Variants in SLC9C1 observed in about 807,000 individuals in gnomAD.
SLC9C1 encodes the protein sodium/hydrogen exchanger 10.
SLC9C1 carries 97 observed loss-of-function variants against 140.9 expected under a neutral mutation model. The ratio of observed to expected loss-of-function variants is 0.69; its 90% CI spans 0.58 to 0.82. SLC9C1 has a LOEUF of 0.82. Among genes scored for constraint, SLC9C1 ranks in the 40% least tolerant of loss-of-function variants. SLC9C1 has a pLI of 0.00. For synonymous variants in SLC9C1, 440 were observed against 442.6 expected, an observed-to-expected ratio of 0.99 and a Z score of 0.07; for missense variants, 1,340 against 1,389.3, an observed-to-expected ratio of 0.96 and a Z score of 0.56.
chr3:112,204,757 A>G (rs969505369), intron 16 of SLC9C1, among the ~76,000 whole-genome samples: 7 of 152,078 alleles, frequency 4.6e-5, no homozygotes, highest in Non-Finnish European at 7.4e-5. Context: ...TGCCATAAAA[A>G]TCCTGGGGGT....
intron 23 of SLC9C1, among the ~76,000 whole-genome samples, chr3:112,179,120 C>T (rs1444539418): frequency 6.6e-6 from 1 of 152,024 alleles, no homozygotes; most frequent in African/African-American, 2.4e-5. Context: ...CAGTGGGAGC[C>T]CTTGGTACTG....
chr3:112,292,841 C>T (rs1214165048), intron 1 of SLC9C1, among the ~76,000 whole-genome samples: 1 of 151,948 alleles, frequency 6.6e-6, no homozygotes, highest in Admixed American at 6.6e-5. Flanking sequence ...CCACGCCCGG[C>T]CACAGGTTTT....
intron 7 of SLC9C1, among the ~76,000 whole-genome samples, chr3:112,268,910 C>T (rs1170109247): frequency 6.6e-6 from 1 of 152,110 alleles, no homozygotes; most frequent in African/African-American, 2.4e-5. Context: ...AAATGTGATT[C>T]TGAGGCTGTG....
At chr3:112,173,401 T>G (rs992224927) in intron 23 of SLC9C1, among the ~76,000 whole-genome samples, 1 of 151,874 alleles carries the variant, frequency 6.6e-6, no homozygotes, top group Admixed American at 6.6e-5. Flanking sequence ...TGGTACATGA[T>G]AAGTAGTTTT....
chr3:112,169,570 A>T (rs944815013), intron 23 of SLC9C1, among the ~76,000 whole-genome samples: 10 of 152,086 alleles, frequency 6.6e-5, no homozygotes, highest in African/African-American at 2.4e-4. Context: ...GGGTTTTTAA[A>T]TTCTGTTCCA....
At chr3:112,218,283 AC>A (rs2078442770) in intron 14 of SLC9C1, among the ~76,000 whole-genome samples, 1 of 151,608 alleles carries the variant, frequency 6.6e-6, no homozygotes, top group African/African-American at 2.4e-5. Context: ...CTGACCAGAT[AC>A]TTTCATCGTC....
intron 28 of SLC9C1, among the ~76,000 whole-genome samples, chr3:112,149,925 C>T (rs1477216407): frequency 6.6e-6 from 1 of 152,144 alleles, no homozygotes; most frequent in South Asian, 2.1e-4. Context: ...GGCCCCACTG[C>T]ACCACAATCT....
chr3:112,213,611 G>A (rs1215412795), intron 15 of SLC9C1, among the ~76,000 whole-genome samples: 1 of 152,120 alleles, frequency 6.6e-6, no homozygotes, highest in Non-Finnish European at 1.5e-5. Context: ...AGACAAAGAA[G>A]GCCATTACAT....
At chr3:112,165,577 C>A (rs1341988203) in intron 26 of SLC9C1, among the ~76,000 whole-genome samples, 1 of 152,152 alleles carries the variant, frequency 6.6e-6, no homozygotes, top group African/African-American at 2.4e-5. Flanking sequence ...GGAGGCTGCA[C>A]AACAGCGGAT....
intron 15 of SLC9C1, among the ~76,000 whole-genome samples, chr3:112,211,350 G>A (rs1005439496): frequency 4.6e-5 from 7 of 151,896 alleles, no homozygotes; most frequent in Admixed American, 4.6e-4. Context: ...GGGCTTGTTG[G>A]ACAGTGGGTG....
At chr3:112,175,957 A>T (rs2077328981) in intron 23 of SLC9C1, among the ~76,000 whole-genome samples, 2 of 152,208 alleles carry the variant, frequency 1.3e-5, no homozygotes, top group Admixed American at 6.5e-5. Flanking sequence ...CCTGCAGACC[A>T]TCATTGGTCA....
chr3:112,164,846 G>T (rs62277468), intron 26 of SLC9C1, among the ~76,000 whole-genome samples: 1 of 152,096 alleles, frequency 6.6e-6, no homozygotes, highest in East Asian at 1.9e-4. Context: ...AAGTTCTCCT[G>T]GATAATATCC....
At chr3:112,166,700 A>C (rs541178576) in intron 26 of SLC9C1, among the ~76,000 whole-genome samples, 1 of 152,162 alleles carries the variant, frequency 6.6e-6, no homozygotes, top group Non-Finnish European at 1.5e-5. Context: ...AATAATTTTT[A>C]AATTTTTAAT....
At chr3:112,178,137 AT>A (rs113311369) in intron 23 of SLC9C1, among the ~76,000 whole-genome samples, 522 of 142,924 alleles carry the variant, frequency 3.7e-3, no homozygotes, top group Non-Finnish European at 4.2e-3. Flanking sequence ...ACCACTACAT[AT>A]TTTTTTTTTT....
chr3:112,175,365 C>T (rs1429877281), intron 23 of SLC9C1, among the ~76,000 whole-genome samples: 1 of 152,148 alleles, frequency 6.6e-6, no homozygotes, highest in Non-Finnish European at 1.5e-5. Context: ...CCAGCCCGAA[C>T]ACACCTGTAG....
chr3:112,158,700 G>T (rs1335183552), intron 26 of SLC9C1, among the ~76,000 whole-genome samples: 1 of 151,746 alleles, frequency 6.6e-6, no homozygotes, highest in Non-Finnish European at 1.5e-5. Context: ...CTTGTTATGT[G>T]TTATGGGTCT....
At chr3:112,241,986 A>T (rs536948074) in intron 11 of SLC9C1, among the ~76,000 whole-genome samples, 3 of 152,288 alleles carry the variant, frequency 2.0e-5, no homozygotes, top group African/African-American at 7.2e-5. Flanking sequence ...GACCTCAATT[A>T]TAAAAGTCCT....
intron 5 of SLC9C1, 25 bp from the exon 6 acceptor site, chr3:112,275,050 G>GT (rs1199104393): frequency 2.0e-6 from 3 of 1,532,408 alleles, no homozygotes; most frequent in Non-Finnish European, 2.6e-6. Flanking sequence ...GGGGAAAGAT[G>GT]TTTTTTAAAG....
rs753064893 is a variant in SLC9C1 at position 112,167,352 on chromosome 3, A to C, written c.3238-5T>G. ...GAAATCTTCAATACTTTGTATCTGA[A>C]AGTTGACAGAATGCAAGTTAATTTC... On this transcript the variant is annotated splice_region_variant and splice_polypyrimidine_tract_variant and intron_variant, in intron 25 of 28. Transcript: ENST00000305815. The C allele has an allele frequency of 1.1e-5, 18 of 1,576,642 alleles. No homozygotes were observed. Among genetic ancestry groups the C allele is most frequent in the Non-Finnish European group, 1.5e-5 (18 of 1,164,522 alleles).
Sources: gnomAD v4.1 joint callset for allele counts (sites outside exome capture counted in the v4.1 genomes callset) on GRCh38, gnomAD v4.1.1 for gene constraint, MANE v1.5 for transcripts, NCBI Gene and HGNC (gene_info 2026-07-23, HGNC 2026-07-21) for gene names.